DNAH2: variants seen among roughly 807,000 people sequenced by gnomAD.
The protein encoded by DNAH2 is axonemal beta dynein heavy chain 2.
A neutral mutation model predicts 523.5 loss-of-function variants in DNAH2; 323 were observed. That is an observed-to-expected ratio of 0.62 (90% CI 0.56 to 0.68). DNAH2 has a LOEUF of 0.68. Ranked by LOEUF, DNAH2 falls within the 30% of genes least tolerant of loss-of-function variation. The pLI is 0.00. For synonymous variants in DNAH2, 2,093 were observed against 2,177.4 expected (o/e 0.96, Z 1.08); for missense variants, 4,907 against 5,701.5 (o/e 0.86, Z 4.49).
At chr17:7,778,556 C>A in intron 35 of DNAH2, 87 bp downstream of exon 35, 1 of 1,258,974 alleles carries the variant, frequency 7.9e-7, no homozygotes, top group Non-Finnish European at 1.1e-6. Context: ...TGGTTCAGTG[C>A]TTTGTAGCTT....
rs370348861 is a variant in DNAH2 at position 7,771,359 on chromosome 17, G to A, written c.4392G>A (p.Lys1464=). ...TCTTCCTAGGAGAAGACATCCGCAAGCAGCTGCCCAATGAATCGACCTTAT... is the reference window on the plus strand; with the variant it reads ...TCTTCCTAGGAGAAGACATCCGCAAACAGCTGCCCAATGAATCGACCTTAT... ...ENIFLGEDIR[K]QLPNESTLFD... The change falls in exon 28 of 86, where the codon AAG becomes AAA. Residue 1464 remains lysine, a synonymous_variant. Coordinates refer to ENST00000572933, the MANE Select transcript of DNAH2 (RefSeq NM_020877.5). The A allele has an allele frequency of 1.1e-5, 18 of 1,614,028 alleles. No individual in the cohort carries two copies. The highest frequency in any genetic ancestry group is 1.5e-5 in the Non-Finnish European group (18 of 1,180,048).
intron 11 of DNAH2, among the ~76,000 whole-genome samples, chr17:7,741,741 C>T (rs373608634): frequency 9.8e-4 from 149 of 151,448 alleles, no homozygotes; most frequent in African/African-American, 2.9e-3. Context: ...CTCGGCTCAC[C>T]GCAACCTTCG....
rs755994204 is a variant in DNAH2 at position 7,719,911 on chromosome 17, G to C, written c.166+11G>C. On this transcript the variant is annotated intron_variant, in intron 2 of 85. Transcript: ENST00000572933. ...CCAAGGAGGAGCCTGGTGGGTACTT[G>C]CTGGGGCAGAGGATGCTTAGCAATG... 61 of 1,510,356 alleles carry C rather than the reference G, an allele frequency of 4.0e-5. No individual in the cohort carries two copies. The highest frequency in any genetic ancestry group is 5.0e-5 in the Non-Finnish European group (57 of 1,130,244). 93.6% of individuals were successfully genotyped at this position (1,510,356 alleles called of 1,614,324 possible). A position where few individuals can be genotyped will look rare whatever the true frequency, so the allele number is the denominator to read the frequency against.
At chr17:7,737,946 G>A (rs1328505950) in intron 8 of DNAH2, 2 of 702,214 alleles carry the variant, frequency 2.8e-6, no homozygotes, top group Admixed American at 4.0e-5. Flanking sequence ...CAGAGGCTGT[G>A]GGGACTCCTT....
chr17:7,788,834 C>T (rs2076817478), intron 44 of DNAH2, among the ~76,000 whole-genome samples: 1 of 152,178 alleles, frequency 6.6e-6, no homozygotes, highest in Non-Finnish European at 1.5e-5. Flanking sequence ...TCTGTAGGAA[C>T]ATATGTCATT....
chr17:7,727,511 T>A (rs1335949540), intron 4 of DNAH2, among the ~76,000 whole-genome samples: 3 of 152,112 alleles, frequency 2.0e-5, no homozygotes, highest in Non-Finnish European at 2.9e-5. Flanking sequence ...CCCATCACTT[T>A]GGGAGGCCGA....
intron 64 of DNAH2, 79 bp from the exon 65 acceptor site, chr17:7,817,211 A>G: frequency 6.5e-7 from 1 of 1,528,126 alleles, no homozygotes; most frequent in Non-Finnish European, 8.7e-7. Context: ...TGTCCAGAAG[A>G]GGGTGCCTTC....
At position 7,805,382 on chromosome 17, in the gene DNAH2, A is replaced by G. The variant is rs1444346407; in HGVS notation, c.9431A>G (p.Lys3144Arg). 1.2e-6 allele frequency: 2 copies of G among 1,614,254 alleles called. No individual in the cohort carries two copies. The highest frequency in any genetic ancestry group is 1.7e-5 in the Admixed American group (1 of 60,032). Reference sequence around the variant, plus strand: ...AACGAGCCCACATGGGCAGAGGCCAAGAGGCAGCTAGGTAAGCTAGAGACA... The same window carrying G: ...AACGAGCCCACATGGGCAGAGGCCAGGAGGCAGCTAGGTAAGCTAGAGACA... ...RGNEPTWAEA[K>R]RQLGEQNFIK... The change falls in exon 61 of 86, where the codon AAG becomes AGG. Residue 3144 changes from lysine to arginine, a missense_variant. By Grantham distance (26) the Lys-to-Arg change is conservative (BLOSUM62 2). This residue lies in a region of DNAH2 where 1,851 missense variants were observed against 2,139.4 expected (regional missense o/e 0.87). Transcript: ENST00000572933.
chr17:7,732,242 C>T (rs1160826583), intron 4 of DNAH2, among the ~76,000 whole-genome samples: 1 of 151,638 alleles, frequency 6.6e-6, no homozygotes, highest in Non-Finnish European at 1.5e-5. Flanking sequence ...TGAGACCAGC[C>T]TGGCCAACCT....
chr17:7,749,792 C>T (rs374019897), intron 12 of DNAH2, among the ~76,000 whole-genome samples: 2 of 151,892 alleles, frequency 1.3e-5, no homozygotes, highest in African/African-American at 2.4e-5. Context: ...GTCAGGAGTT[C>T]GAGACCAGCC....
Position 7,792,357 on chromosome 17 carries a change from C to A in DNAH2, c.7145+14C>A. The A allele has an allele frequency of 6.2e-7, 1 of 1,613,724 alleles. No individual in the cohort carries two copies. Among genetic ancestry groups the A allele is most frequent in the Non-Finnish European group, 8.5e-7 (1 of 1,179,768 alleles). ...CTACCCTCCAAAGTAAGAGCTGGGCCTGGGTGTGAGGAGGGCATGGGGCAG... is the reference window on the plus strand; with the variant it reads ...CTACCCTCCAAAGTAAGAGCTGGGCATGGGTGTGAGGAGGGCATGGGGCAG... On this transcript the variant is annotated intron_variant, in intron 46 of 85. Coordinates refer to ENST00000572933, the MANE Select transcript of DNAH2 (RefSeq NM_020877.5).
chr17:7,728,927 G>T (rs2074905508), intron 4 of DNAH2, among the ~76,000 whole-genome samples: 1 of 151,998 alleles, frequency 6.6e-6, no homozygotes, highest in African/African-American at 2.4e-5. Context: ...GGAGGTTGCA[G>T]TGAGGTGTGA....
Position 7,788,174 on chromosome 17 carries a change from C to T in DNAH2, c.6830C>T (p.Pro2277Leu), listed in dbSNP as rs2076796205. The T allele has an allele frequency of 1.2e-6, 2 of 1,613,756 alleles. No homozygotes were observed. Among genetic ancestry groups the T allele is most frequent in the East Asian group, 2.2e-5 (1 of 44,886 alleles). The change falls in exon 44 of 86, where the codon CCC becomes CTC. Residue 2277 changes from proline (P) to leucine (L), a missense_variant. Physicochemically the swap from Pro to Leu is moderately conservative, Grantham distance 98. This residue lies in a region of DNAH2 where 2,806 missense variants were observed against 3,190.8 expected (regional missense o/e 0.88). Transcript: ENST00000572933. Reference sequence around the variant, plus strand: ...AAGGACAACTGCAAGGAGCTGGTGCCCCTGCCCGAGTACAGCGGTATCACC... The same window carrying T: ...AAGGACAACTGCAAGGAGCTGGTGCTCCTGCCCGAGTACAGCGGTATCACC... ...FKKDNCKELV[P>L]LPEYSGITSL...
At position 7,780,321 on chromosome 17, in the gene DNAH2, T is replaced by C. The variant is rs1286589575; in HGVS notation, c.5850+37T>C. 6.2e-7 allele frequency: 1 copy of C among 1,613,548 alleles called. No homozygotes were observed. Among genetic ancestry groups the C allele is most frequent in the African/African-American group, 1.3e-5 (1 of 74,970 alleles). Reference sequence around the variant, plus strand: ...ACCCCTTTTCTCCAGTGATTTTAATTTCCTTTCATAATTATTCCCTGGACA... The same window carrying C: ...ACCCCTTTTCTCCAGTGATTTTAATCTCCTTTCATAATTATTCCCTGGACA... On this transcript the variant is annotated intron_variant, in intron 37 of 85. Transcript: ENST00000572933. This position sits in a 1 kb window ranked among gnomAD's most constrained non-coding sequence, Gnocchi z 4.4.
chr17:7,783,611 T>C (rs1346473937), intron 39 of DNAH2, among the ~76,000 whole-genome samples: 1 of 150,570 alleles, frequency 6.6e-6, no homozygotes, highest in East Asian at 1.9e-4. Context: ...TTGCTTGAGG[T>C]GAGGAGTTTG....
rs1357990420 is a variant in DNAH2, at chr17:7,780,235, C to A, written c.5801C>A (p.Thr1934Asn). Residue 1934 changes from threonine (T) to asparagine (N), a missense_variant, in exon 37 of 86, where the codon ACC (threonine) becomes AAC (asparagine). Transcript: ENST00000572933. This position sits in a 1 kb window ranked among gnomAD's most constrained non-coding sequence, Gnocchi z 4.4. Reference protein sequence around the residue: ...RPIAMVVPDSTLIAEIILFGE... With the variant: ...RPIAMVVPDSNLIAEIILFGE... ...ATTGCCATGGTGGTGCCTGACTCCACCCTCATTGCAGAAATCATTCTCTTT... is the reference window on the plus strand; with the variant it reads ...ATTGCCATGGTGGTGCCTGACTCCAACCTCATTGCAGAAATCATTCTCTTT... 1 of 1,614,202 alleles carries A rather than the reference C, an allele frequency of 6.2e-7. No individual in the cohort carries two copies. The highest frequency in any genetic ancestry group is 8.5e-7 in the Non-Finnish European group (1 of 1,180,036).
rs7213894 is a variant in DNAH2 at position 7,819,047 on chromosome 17, C to T, written c.10799C>T (p.Thr3600Ile). The change falls in exon 71 of 86, where the codon ACT (threonine) becomes ATT (isoleucine). Residue 3600 changes from threonine to isoleucine, a missense_variant. Transcript: ENST00000572933. ...LETSETTEIN[T>I]DLAREAYRPC... The stretch of plus-strand genomic sequence containing the variant: ...ACCAGTGAGACCACAGAGATCAACA[C>T]TGACTTGGCGCGGGAGGTAAGCTCC... 954,853 of 1,605,244 alleles carry T rather than the reference C, an allele frequency of 0.59. 287,476 individuals carry two copies. The highest frequency in any genetic ancestry group is 0.77 in the Middle Eastern group (4,460 of 5,792).
intron 56 of DNAH2, 87 bp downstream of exon 56, chr17:7,799,329 C>T (rs1482653906): frequency 6.5e-7 from 1 of 1,541,680 alleles, no homozygotes; most frequent in Non-Finnish European, 8.8e-7. Context: ...AAATTAGTGT[C>T]AGGAATAACA....
chr17:7,759,685 G>C, intron 16 of DNAH2, 75 bp downstream of exon 16: 1 of 1,599,486 alleles, frequency 6.3e-7, no homozygotes, highest in East Asian at 2.2e-5. Context: ...TCCTAAACTT[G>C]GTCCTTGGCC....
Sources: gnomAD v4.1 joint callset for allele counts (sites outside exome capture counted in the v4.1 genomes callset) on GRCh38, gnomAD v4.1.1 for gene constraint, gnomAD v4.1.1 regional missense constraint, Gnocchi (gnomAD v3.1) non-coding constraint, MANE v1.5 for transcripts, NCBI Gene and HGNC (gene_info 2026-07-23, HGNC 2026-07-21) for gene names.